The following SRGAP3 variants were observed in gnomAD, a reference collection of about 807,000 sequenced individuals.
The protein encoded by SRGAP3 is SLIT-ROBO Rho GTPase activating protein 3, also known as SLIT-ROBO Rho GTPase-activating protein 3.
Under a neutral mutation model 121.1 loss-of-function variants are expected in SRGAP3, and 39 were observed. The observed-to-expected ratio is 0.32, with a 90% CI of 0.25 to 0.42. SRGAP3 has a LOEUF of 0.42. SRGAP3 is among the 10% of genes least tolerant of loss of function. SRGAP3 has a pLI of 1.00. For missense variants in SRGAP3, 1,213 were observed against 1,470.6 expected (o/e 0.82, Z 2.86); for synonymous variants, 601 against 570.0 (o/e 1.05, Z -0.77).
At chr3:9,214,448 G>A (rs934627284) in intron 1 of SRGAP3, among the ~76,000 whole-genome samples, 6 of 152,240 alleles carry the variant, frequency 3.9e-5, no homozygotes, top group South Asian at 2.1e-4. Context: ...TTCTGCCTCC[G>A]AGTCCAGGGT....
intron 21 of SRGAP3, among the ~76,000 whole-genome samples, chr3:8,986,438 C>T (rs1941712497): frequency 6.6e-6 from 1 of 152,172 alleles, no homozygotes; most frequent in African/African-American, 2.4e-5. Context: ...CACTGAGCAC[C>T]AATCCAAACC....
intron 1 of SRGAP3, chr3:9,235,496 T>A (rs1953373097): frequency 7.6e-6 from 1 of 131,656 alleles, no homozygotes; most frequent in East Asian, 2.3e-4. Context: ...CTATTTTTTT[T>A]CTTTTTCTTT....
At chr3:9,173,937 A>G (rs1374057559) in intron 1 of SRGAP3, among the ~76,000 whole-genome samples, 3 of 152,232 alleles carry the variant, frequency 2.0e-5, no homozygotes, top group Admixed American at 6.5e-5. Flanking sequence ...CATGCTCAAA[A>G]AGCACTTATT....
chr3:9,240,715 C>G (rs1953600691), intron 1 of SRGAP3, among the ~76,000 whole-genome samples: 1 of 152,164 alleles, frequency 6.6e-6, no homozygotes, highest in Non-Finnish European at 1.5e-5. Context: ...ATCTGAAAAA[C>G]AAATAGAGTT....
intron 2 of SRGAP3, among the ~76,000 whole-genome samples, chr3:9,111,305 TC>T (rs1180500829): frequency 6.6e-6 from 1 of 151,990 alleles, no homozygotes; most frequent in African/African-American, 2.4e-5. Context: ...CACTAAAGTG[TC>T]CCCAAGGAAG....
intron 1 of SRGAP3, among the ~76,000 whole-genome samples, chr3:9,163,832 T>G (rs1431718451): frequency 6.6e-6 from 1 of 152,064 alleles, no homozygotes; most frequent in Non-Finnish European, 1.5e-5. Context: ...CTTGTCATTG[T>G]CACCACTGGG....
At position 9,027,004 on chromosome 3, in the gene SRGAP3, A is replaced by G; in HGVS notation, c.1540-9T>C. On this transcript the variant is annotated splice_polypyrimidine_tract_variant and intron_variant, in intron 12 of 21. Coordinates refer to ENST00000383836, the MANE Select transcript of SRGAP3 (RefSeq NM_014850.4). ...ATAGCTTGTCCTGAATCCTTGAGAA[A>G]AGAAAAATTGTGAGTTTTATGGGGC... 1 of 1,614,192 alleles carries G rather than the reference A, an allele frequency of 6.2e-7. No individual in the cohort carries two copies. The highest frequency in any genetic ancestry group is 1.6e-4 in the Middle Eastern group (1 of 6,062).
intron 2 of SRGAP3, among the ~76,000 whole-genome samples, chr3:9,329,942 A>G (rs1325452645): frequency 1.3e-5 from 2 of 152,196 alleles, no homozygotes; most frequent in Non-Finnish European, 2.9e-5. Context: ...CTTTACCAAG[A>G]GCCCTCATTT....
chr3:9,207,244 T>C (rs1056201508), intron 1 of SRGAP3, among the ~76,000 whole-genome samples: 2 of 152,218 alleles, frequency 1.3e-5, no homozygotes, highest in Non-Finnish European at 2.9e-5. Context: ...CAAATGAACT[T>C]TGAGTTCAGT....
chr3:9,208,261 C>G (rs1398039363), intron 1 of SRGAP3, among the ~76,000 whole-genome samples: 2 of 151,974 alleles, frequency 1.3e-5, no homozygotes, highest in African/African-American at 4.8e-5. Context: ...GTCTAGCCAA[C>G]CCCCCTACAG....
intron 3 of SRGAP3, among the ~76,000 whole-genome samples, chr3:9,093,699 TATA>T (rs1947852906): frequency 6.6e-6 from 1 of 152,214 alleles, no homozygotes. Context: ...AGTGTATATG[TATA>T]ATAACATGCA....
At chr3:9,054,827 G>A (rs1560021471) in intron 8 of SRGAP3, among the ~76,000 whole-genome samples, 2 of 152,338 alleles carry the variant, frequency 1.3e-5, no homozygotes, top group Middle Eastern at 3.4e-3. Flanking sequence ...CACATAGTAT[G>A]TGCTCTATAA....
intron 1 of SRGAP3, among the ~76,000 whole-genome samples, chr3:9,342,376 A>C (rs1156764434): frequency 6.6e-6 from 1 of 151,968 alleles, no homozygotes; most frequent in Non-Finnish European, 1.5e-5. Flanking sequence ...AAAGCAAAAA[A>C]TCATTTTGAT....
At chr3:9,070,003 C>T (rs1946626703) in intron 4 of SRGAP3, among the ~76,000 whole-genome samples, 2 of 152,192 alleles carry the variant, frequency 1.3e-5, no homozygotes, top group South Asian at 2.1e-4. Context: ...CAATGTCACA[C>T]AAAAAGCCAG....
chr3:9,270,758 A>G (rs1353004790), intron 3 of SRGAP3, among the ~76,000 whole-genome samples: 1 of 152,144 alleles, frequency 6.6e-6, no homozygotes, highest in Non-Finnish European at 1.5e-5. Flanking sequence ...GGGAGGTGGG[A>G]GTTTCATCCT....
intron 1 of SRGAP3, among the ~76,000 whole-genome samples, chr3:9,144,405 T>C (rs1949957339): frequency 1.3e-5 from 2 of 152,246 alleles, no homozygotes; most frequent in South Asian, 4.1e-4. Context: ...CAGATTCCTC[T>C]GCCTGGAATG....
At chr3:9,103,229 T>C (rs1306658518) in intron 3 of SRGAP3, among the ~76,000 whole-genome samples, 2 of 152,216 alleles carry the variant, frequency 1.3e-5, no homozygotes, top group African/African-American at 4.8e-5. Flanking sequence ...ATATTTTCAA[T>C]CAACTTGTCC....
intron 1 of SRGAP3, among the ~76,000 whole-genome samples, chr3:9,203,765 T>C (rs1222404960): frequency 6.6e-6 from 1 of 152,236 alleles, no homozygotes; most frequent in Non-Finnish European, 1.5e-5. Flanking sequence ...AATTAAGTAA[T>C]AAAGCTAGGT....
intron 1 of SRGAP3, among the ~76,000 whole-genome samples, chr3:9,154,995 T>C (rs995425613): frequency 6.7e-6 from 1 of 148,874 alleles, no homozygotes; most frequent in Non-Finnish European, 1.5e-5. Context: ...TTTTATGTTT[T>C]TTGTTTTTTG....
Sources: gnomAD v4.1 joint callset for allele counts (sites outside exome capture counted in the v4.1 genomes callset) on GRCh38, gnomAD v4.1.1 for gene constraint, MANE v1.5 for transcripts, NCBI Gene and HGNC (gene_info 2026-07-23, HGNC 2026-07-21) for gene names.